The following POLA1 variants were observed in gnomAD, a reference collection of about 807,000 sequenced individuals.
POLA1 encodes DNA polymerase alpha 1, catalytic subunit.
In POLA1, 15 loss-of-function variants were observed where a neutral mutation model predicts 124.0. The observed-to-expected ratio is 0.12, with a 90% CI of 0.08 to 0.19. The LOEUF is 0.19. Ranked by LOEUF, POLA1 falls within the 10% of genes least tolerant of loss-of-function variation. The probability of loss-of-function intolerance (pLI) is 1.00; values close to 1 mark genes in which losing one functional copy is unlikely to be tolerated. For missense variants in POLA1, 886 were observed against 1,103.4 expected (o/e 0.80, Z 2.79); for synonymous variants, 408 against 389.4 (o/e 1.05, Z -0.56).
intron 34 of POLA1, among the ~76,000 whole-genome samples, chrX:24,850,886 G>T (rs1388827411): frequency 1.8e-5 from 2 of 112,267 alleles, no homozygotes; most frequent in African/African-American, 3.2e-5. Flanking sequence ...TGGCTCAGCT[G>T]TGTTCCTTTT....
intron 35 of POLA1, among the ~76,000 whole-genome samples, chrX:24,921,902 G>T (rs1265265526): frequency 9.0e-6 from 1 of 110,790 alleles, no homozygotes. Flanking sequence ...TTGTGTGTGT[G>T]TGTGTGATGG....
intron 26 of POLA1, among the ~76,000 whole-genome samples, chrX:24,786,461 A>G (rs1402638220): frequency 4.5e-5 from 5 of 110,898 alleles, no homozygotes; most frequent in Non-Finnish European, 7.6e-5. Flanking sequence ...CTTCTTTGGA[A>G]AAATATCTAT....
At chrX:24,940,264 G>T (rs907418249) in intron 36 of POLA1, among the ~76,000 whole-genome samples, 3 of 111,871 alleles carry the variant, frequency 2.7e-5, no homozygotes, top group Non-Finnish European at 5.6e-5. Flanking sequence ...CAGCAAATTA[G>T]ATATGACATC....
At chrX:24,709,087 C>T (rs866008509) in intron 4 of POLA1, among the ~76,000 whole-genome samples, 1,695 of 81,211 alleles carry the variant, frequency 0.021, 9 homozygotes, top group African/African-American at 0.082. Flanking sequence ...ACCTCCCTCC[C>T]GGACGGGGCG....
intron 34 of POLA1, among the ~76,000 whole-genome samples, chrX:24,875,171 A>G (rs1444046030): frequency 1.8e-5 from 2 of 111,779 alleles, no homozygotes; most frequent in Non-Finnish European, 3.8e-5. Flanking sequence ...ACATTGGAAC[A>G]GAAGCCACAA....
At chrX:24,708,406 T>C (rs1928965975) in intron 4 of POLA1, among the ~76,000 whole-genome samples, 1 of 93,062 alleles carries the variant, frequency 1.1e-5, no homozygotes, top group Non-Finnish European at 2.1e-5. Flanking sequence ...TATTTTTTTA[T>C]TGATAATTCT....
chrX:24,774,459 A>G lies in POLA1; in HGVS notation c.2964+25467A>G, dbSNP rs1454823040. ...CAAGCAACAGTTTTGACCATGCCAG[A>G]TGTACTCTTGTCGCTTTATTCGGGG... On this transcript the variant is annotated intron_variant, in intron 26 of 36. Coordinates refer to ENST00000379068, the MANE Select transcript of POLA1 (RefSeq NM_001330360.2). Among the ~76,000 whole-genome samples, 6 of 111,945 alleles carry G rather than the reference A, an allele frequency of 5.4e-5. No homozygotes were observed. In the Admixed American group the frequency reaches 5.7e-4, roughly 11 times the overall value.
chrX:24,869,090 T>C (rs1322392273), intron 34 of POLA1, among the ~76,000 whole-genome samples: 3 of 111,779 alleles, frequency 2.7e-5, no homozygotes, highest in Admixed American at 9.4e-5. Flanking sequence ...TGTGCCACCA[T>C]GCCCAGCTAA....
chrX:24,976,952 G>A (rs1434248761), intron 36 of POLA1, among the ~76,000 whole-genome samples: 1 of 112,314 alleles, frequency 8.9e-6, no homozygotes, highest in African/African-American at 3.2e-5. Context: ...CTGATTGATT[G>A]ATACCAATAG....
chrX:24,888,311 C>T (rs988828164), intron 35 of POLA1, among the ~76,000 whole-genome samples, 189 bp downstream of exon 35: 2 of 111,586 alleles, frequency 1.8e-5, no homozygotes, highest in African/African-American at 3.3e-5. Context: ...ATGAGCAATA[C>T]TATATTTATA....
At chrX:24,707,241 A>G (rs1928874282) in intron 4 of POLA1, among the ~76,000 whole-genome samples, 1 of 112,151 alleles carries the variant, frequency 8.9e-6, no homozygotes, top group African/African-American at 3.2e-5. Flanking sequence ...AACTAATCCC[A>G]TTACCTATCT....
intron 34 of POLA1, among the ~76,000 whole-genome samples, chrX:24,883,019 T>C (rs1185148922): frequency 9.0e-6 from 1 of 111,604 alleles, no homozygotes; most frequent in Non-Finnish European, 1.9e-5. Context: ...ATCTGTTATT[T>C]TTTGTCTTTT....
At chrX:24,919,845 G>GTTTT (rs10573475) in intron 35 of POLA1, among the ~76,000 whole-genome samples, 6 of 34,785 alleles carry the variant, frequency 1.7e-4, no homozygotes, top group East Asian at 2.0e-3. Flanking sequence ...TTGTTTTTCT[G>GTTTT]TTTTTTTTTT....
chrX:24,723,076 C>A, intron 10 of POLA1, 79 bp from the exon 11 acceptor site: 1 of 667,107 alleles, frequency 1.5e-6, no homozygotes, highest in Non-Finnish European at 2.5e-6. Context: ...TGGACACATT[C>A]AGTGAGCCTC....
intron 14 of POLA1, among the ~76,000 whole-genome samples, 185 bp from the exon 15 acceptor site, chrX:24,727,597 A>G (rs769725801): frequency 8.9e-6 from 1 of 112,374 alleles, no homozygotes; most frequent in South Asian, 3.7e-4. Flanking sequence ...GAACATATGT[A>G]CACACACGTG....
intron 35 of POLA1, among the ~76,000 whole-genome samples, chrX:24,912,913 A>G (rs1187060906): frequency 8.9e-6 from 1 of 112,688 alleles, no homozygotes; most frequent in African/African-American, 3.2e-5. Flanking sequence ...TGCTGGTGGG[A>G]ATGTAAAGTG....
chrX:24,810,805 G>A lies in POLA1; in HGVS notation c.3090+5G>A, dbSNP rs1569320923. On this transcript the variant is annotated splice_donor_5th_base_variant and intron_variant, in intron 28 of 36. Coordinates refer to ENST00000379068, the MANE Select transcript of POLA1 (RefSeq NM_001330360.2). ...GTATTTAAGTTGGGAAACAAGGTGAGATAATTTTATGAAATTATCTGCTTT... is the reference window on the plus strand; with the variant it reads ...GTATTTAAGTTGGGAAACAAGGTGAAATAATTTTATGAAATTATCTGCTTT... 1 of 933,049 alleles carries A rather than the reference G, an allele frequency of 1.1e-6. No homozygotes were observed. Among genetic ancestry groups the A allele is most frequent in the Non-Finnish European group, 1.5e-6 (1 of 655,219 alleles). The allele number at this position is 933,049 out of a possible 1,213,427, so 76.9% of individuals were successfully genotyped here. A position where few individuals can be genotyped will look rare whatever the true frequency, so the allele number is the denominator to read the frequency against.
At chrX:24,985,387 CATA>C (rs745864214) in intron 36 of POLA1, among the ~76,000 whole-genome samples, 1 of 113,055 alleles carries the variant, frequency 8.8e-6, no homozygotes, top group South Asian at 3.6e-4. Context: ...ACCCTTACTC[CATA>C]ATAATGAAAT....
At chrX:24,961,807 A>G (rs185209441) in intron 36 of POLA1, among the ~76,000 whole-genome samples, 27 of 112,035 alleles carry the variant, frequency 2.4e-4, no homozygotes, top group African/African-American at 6.5e-4. Flanking sequence ...AGGCATCAGT[A>G]TAATTTCATC....
Sources: allele counts gnomAD v4.1 joint callset (sites outside exome capture counted in the v4.1 genomes callset), GRCh38; gene constraint gnomAD v4.1.1; transcripts MANE v1.5; gene names NCBI Gene and HGNC (gene_info 2026-07-23, HGNC 2026-07-21).